Variants in CTNNA3 observed in about 807,000 individuals in gnomAD.
CTNNA3 encodes catenin alpha-3.
In CTNNA3, 76 loss-of-function variants were observed where a neutral mutation model predicts 95.7. The observed-to-expected ratio is 0.79, with a 90% confidence interval of 0.66 to 0.96. The LOEUF is 0.96. CTNNA3 is among the 40% of genes least tolerant of loss of function. The pLI, the probability that CTNNA3 is intolerant of heterozygous loss-of-function variation, is 0.00. For synonymous variants in CTNNA3, 431 were observed against 374.4 expected, an observed-to-expected ratio of 1.15 and a Z score of -1.74; for missense variants, 1,191 against 1,089.8, an observed-to-expected ratio of 1.09 and a Z score of -1.31.
At chr10:67,451,989 A>AGTTCC (rs1056933045) in intron 5 of CTNNA3, among the ~76,000 whole-genome samples, 11 of 142,234 alleles carry the variant, frequency 7.7e-5, no homozygotes, top group Non-Finnish European at 1.4e-4. Flanking sequence ...ACATAGTTAG[A>AGTTCC]GTTCCGAAGG....
chr10:66,421,126 ATTATG>A (rs2132631600), intron 11 of CTNNA3, among the ~76,000 whole-genome samples: 1 of 152,298 alleles, frequency 6.6e-6, no homozygotes, highest in South Asian at 2.1e-4. Context: ...CATGGATGTC[ATTATG>A]TTAAGTGAAA....
At chr10:67,646,201 T>A (rs12243769) in intron 2 of CTNNA3, among the ~76,000 whole-genome samples, 19,494 of 146,280 alleles carry the variant, frequency 0.13, 1,378 homozygotes, top group Non-Finnish European at 0.16. Flanking sequence ...TTTTTTTTTT[T>A]AAACAGGGTC....
At chr10:66,252,607 T>C (rs1016486501) in intron 13 of CTNNA3, among the ~76,000 whole-genome samples, 1 of 152,164 alleles carries the variant, frequency 6.6e-6, no homozygotes, top group Non-Finnish European at 1.5e-5. Flanking sequence ...TATATGGGAA[T>C]ACCTAATTCG....
chr10:66,710,597 T>C (rs1197353840), intron 9 of CTNNA3, among the ~76,000 whole-genome samples: 1 of 151,936 alleles, frequency 6.6e-6, no homozygotes, highest in African/African-American at 2.4e-5. Context: ...AAAGATTTCT[T>C]CACAATGATA....
At chr10:66,714,163 A>G (rs749057327) in intron 9 of CTNNA3, among the ~76,000 whole-genome samples, 12 of 152,274 alleles carry the variant, frequency 7.9e-5, no homozygotes, top group East Asian at 5.8e-4. Flanking sequence ...CATATTAACT[A>G]TATTTACCTC....
intron 15 of CTNNA3, among the ~76,000 whole-genome samples, chr10:66,036,971 C>G (rs1212735517): frequency 6.8e-6 from 1 of 145,992 alleles, no homozygotes; most frequent in Non-Finnish European, 1.5e-5. Flanking sequence ...TTCGTGGGTT[C>G]ACGCCATTCT....
chr10:66,102,008 A>G, intron 14 of CTNNA3, among the ~76,000 whole-genome samples: 1 of 152,132 alleles, frequency 6.6e-6, no homozygotes, highest in East Asian at 1.9e-4. Flanking sequence ...ACTAACACTC[A>G]TTGTGACATG....
intron 7 of CTNNA3, among the ~76,000 whole-genome samples, chr10:67,132,478 T>A (rs145450372): frequency 8.3e-4 from 127 of 152,202 alleles, no homozygotes; most frequent in African/African-American, 3.0e-3. Context: ...AAAGTATATG[T>A]AGATGTACAA....
chr10:66,062,501 A>G (rs571866730), intron 15 of CTNNA3, among the ~76,000 whole-genome samples: 1 of 152,294 alleles, frequency 6.6e-6, no homozygotes, highest in East Asian at 1.9e-4. Context: ...GGAATAGCCT[A>G]TATATAAAAC....
intron 5 of CTNNA3, among the ~76,000 whole-genome samples, chr10:67,390,966 A>G (rs1353880492): frequency 6.6e-6 from 1 of 152,178 alleles, no homozygotes; most frequent in Non-Finnish European, 1.5e-5. Flanking sequence ...ATGGGCAAAA[A>G]CCAGAAGCAT....
intron 1 of CTNNA3, among the ~76,000 whole-genome samples, chr10:67,726,688 T>G (rs1418503000): frequency 1.5e-5 from 1 of 66,800 alleles, no homozygotes; most frequent in Non-Finnish European, 2.6e-5. Flanking sequence ...TAATATATGA[T>G]GTATTATATA....
intron 11 of CTNNA3, among the ~76,000 whole-genome samples, chr10:66,381,733 A>T (rs2092840293): frequency 6.6e-6 from 1 of 152,220 alleles, no homozygotes; most frequent in African/African-American, 2.4e-5. Flanking sequence ...TTCATTATAA[A>T]TTAACTAGGG....
intron 2 of CTNNA3, among the ~76,000 whole-genome samples, chr10:67,621,391 G>A (rs1397313866): frequency 6.6e-6 from 1 of 152,094 alleles, no homozygotes; most frequent in Non-Finnish European, 1.5e-5. Context: ...TCTCAATTGT[G>A]TGTGAGATAA....
rs560551584 is a variant in CTNNA3 at position 66,324,189 on chromosome 10, G to A, written c.1733-43568C>T. Among the ~76,000 whole-genome samples the A allele has an allele frequency of 5.0e-4, 76 of 151,534 alleles. No homozygotes were observed. The South Asian group carries it at 0.01, about 20-fold the overall frequency. ...ACAAAAATTAGCCAGGTGTGGTGGC[G>A]CACACCTGTAATCCCAGCTACTTGG... is the stretch of plus-strand genomic sequence containing the variant. On this transcript the variant is annotated intron_variant, in intron 12 of 17. Transcript: ENST00000433211.
At chr10:67,547,196 A>G (rs1008070701) in intron 3 of CTNNA3, among the ~76,000 whole-genome samples, 1 of 152,144 alleles carries the variant, frequency 6.6e-6, no homozygotes, top group Admixed American at 6.5e-5. Context: ...TTAAGACATA[A>G]TTCCATAGCA....
intron 9 of CTNNA3, among the ~76,000 whole-genome samples, chr10:66,759,029 T>C (rs1839490532): frequency 2.0e-5 from 3 of 152,162 alleles, no homozygotes; most frequent in African/African-American, 7.2e-5. Flanking sequence ...CTGTTAATGT[T>C]GCTGAAAAAC....
chr10:66,025,128 T>A (rs151141323), intron 15 of CTNNA3, among the ~76,000 whole-genome samples: 8 of 152,360 alleles, frequency 5.3e-5, no homozygotes, highest in East Asian at 1.9e-4. Context: ...ATGGCCATTA[T>A]GTTACATACT....
chr10:66,822,640 T>C (rs1339262987), intron 7 of CTNNA3, among the ~76,000 whole-genome samples: 1 of 152,226 alleles, frequency 6.6e-6, no homozygotes, highest in Non-Finnish European at 1.5e-5. Context: ...CTTTCAATAG[T>C]AGACTATTAT....
intron 5 of CTNNA3, among the ~76,000 whole-genome samples, chr10:67,323,245 G>C (rs1841397915): frequency 6.6e-6 from 1 of 151,988 alleles, no homozygotes; most frequent in Non-Finnish European, 1.5e-5. Flanking sequence ...GTCAATTTTT[G>C]CTTTTGTTGC....
Sources: allele counts gnomAD v4.1 joint callset (sites outside exome capture counted in the v4.1 genomes callset), GRCh38; gene constraint gnomAD v4.1.1; transcripts MANE v1.5; gene names NCBI Gene and HGNC (gene_info 2026-07-23, HGNC 2026-07-21).